The following R3HDM1 variants were observed in gnomAD, a reference collection of about 807,000 sequenced individuals.
R3HDM1 encodes the protein R3H domain-containing protein 1.
A neutral mutation model predicts 141.1 loss-of-function variants in R3HDM1; 46 were observed. The observed-to-expected ratio is 0.33, with a 90% CI of 0.26 to 0.42. The LOEUF (loss-of-function observed/expected upper bound fraction) is 0.42, where lower values mean the gene tolerates loss of function less well. Ranked by LOEUF, R3HDM1 falls within the 10% of genes least tolerant of loss-of-function variation. The pLI, the probability that R3HDM1 is intolerant of heterozygous loss-of-function variation, is 1.00. For missense variants in R3HDM1, 1,184 were observed against 1,368.3 expected, an observed-to-expected ratio of 0.87 and a Z score of 2.12; for synonymous variants, 435 against 472.9, an observed-to-expected ratio of 0.92 and a Z score of 1.04.
intron 5 of R3HDM1, among the ~76,000 whole-genome samples, chr2:135,618,223 G>T (rs1183213002): frequency 2.0e-5 from 3 of 150,542 alleles, no homozygotes; most frequent in African/African-American, 7.4e-5. Context: ...GAGTGCAATG[G>T]TGTGATCTCA....
intron 19 of R3HDM1, among the ~76,000 whole-genome samples, chr2:135,665,018 T>A (rs2067282931): frequency 6.6e-6 from 1 of 152,142 alleles, no homozygotes; most frequent in African/African-American, 2.4e-5. Context: ...TCTTTGTGTC[T>A]CATGTGAGTC....
At chr2:135,646,296 C>T (rs1336235374) in intron 16 of R3HDM1, among the ~76,000 whole-genome samples, 3 of 151,476 alleles carry the variant, frequency 2.0e-5, no homozygotes, top group African/African-American at 7.3e-5. Context: ...CCACCACGCC[C>T]GGCAAATTTT....
intron 20 of R3HDM1, among the ~76,000 whole-genome samples, chr2:135,677,728 A>G (rs1405657727): frequency 1.3e-5 from 2 of 152,184 alleles, no homozygotes; most frequent in South Asian, 2.1e-4. Flanking sequence ...CCAGCAATCA[A>G]TAATAGTCAT....
intron 21 of R3HDM1, among the ~76,000 whole-genome samples, chr2:135,685,735 A>G (rs2071221189): frequency 6.6e-6 from 1 of 152,220 alleles, no homozygotes; most frequent in Admixed American, 6.5e-5. Flanking sequence ...ACTAAAACTC[A>G]TGCCTTTAAA....
chr2:135,718,777 C>T (rs1454391070), intron 24 of R3HDM1, among the ~76,000 whole-genome samples: 1 of 152,164 alleles, frequency 6.6e-6, no homozygotes, highest in African/African-American at 2.4e-5. Flanking sequence ...CCACTACACC[C>T]AGCACCAGGG....
rs996450860 is a variant in R3HDM1, at chr2:135,580,311, T to C, written c.-249-22189T>C. ...ACCAGGTATCTATTGTTACCTAAAC[T>C]CTTGTTATCTGAGCTCAGAAGCCAG... On this transcript the variant is annotated intron_variant, in intron 1 of 26. Transcript: ENST00000683871. 5.3e-5 allele frequency among the ~76,000 whole-genome samples: 8 copies of C among 152,190 alleles called. No homozygotes were observed. In the East Asian group the frequency reaches 1.5e-3, roughly 29 times the overall value.
At chr2:135,661,459 G>A (rs2066698102) in intron 19 of R3HDM1, 66 bp downstream of exon 19, 1 of 1,558,698 alleles carries the variant, frequency 6.4e-7, no homozygotes, top group Non-Finnish European at 8.8e-7. Flanking sequence ...TTTCAGTGTT[G>A]CTCTTAAGAT....
intron 2 of R3HDM1, among the ~76,000 whole-genome samples, chr2:135,602,968 A>G (rs745416121): frequency 1.3e-5 from 2 of 151,982 alleles, no homozygotes; most frequent in Non-Finnish European, 2.9e-5. Context: ...GTATTTATCA[A>G]TTCCTAAAAT....
At chr2:135,598,245 G>A (rs1283130721) in intron 1 of R3HDM1, among the ~76,000 whole-genome samples, 2 of 152,142 alleles carry the variant, frequency 1.3e-5, no homozygotes, top group Non-Finnish European at 2.9e-5. Flanking sequence ...CATCACAGGC[G>A]ATAGGAGGAT....
chr2:135,591,438 C>T (rs1176374219), intron 1 of R3HDM1, among the ~76,000 whole-genome samples: 3 of 152,156 alleles, frequency 2.0e-5, no homozygotes, highest in African/African-American at 7.2e-5. Flanking sequence ...CTGAGGGTTT[C>T]TTATAAATAG....
At chr2:135,621,947 C>G in intron 6 of R3HDM1, 1 of 982,814 alleles carries the variant, frequency 1.0e-6, no homozygotes, top group Non-Finnish European at 1.2e-6. Context: ...GTACAAAGAG[C>G]TGATGTCATA....
At chr2:135,630,410 A>G (rs1378100353) in intron 7 of R3HDM1, among the ~76,000 whole-genome samples, 1 of 151,954 alleles carries the variant, frequency 6.6e-6, no homozygotes, top group Admixed American at 6.6e-5. Context: ...AGGTTTGGAA[A>G]CCAAACTGAA....
At chr2:135,594,805 C>T (rs1710197996) in intron 1 of R3HDM1, among the ~76,000 whole-genome samples, 1 of 152,086 alleles carries the variant, frequency 6.6e-6, no homozygotes, top group Non-Finnish European at 1.5e-5. Context: ...AACCTCTAGC[C>T]TCTCCCCATC....
At chr2:135,682,519 A>G (rs539433458) in intron 21 of R3HDM1, among the ~76,000 whole-genome samples, 60 of 152,354 alleles carry the variant, frequency 3.9e-4, no homozygotes, top group African/African-American at 1.4e-3. Context: ...AGCAGAATCC[A>G]AAAGCTGTCA....
chr2:135,676,005 C>T lies in R3HDM1; in HGVS notation c.2307+519C>T, dbSNP rs560368776. Among the ~76,000 whole-genome samples the T allele has an allele frequency of 4.9e-4, 74 of 152,158 alleles. 1 individual carries two copies. The highest frequency in any genetic ancestry group is 1.6e-3 in the African/African-American group (65 of 41,532). On this transcript the variant is annotated intron_variant, in intron 20 of 26. Coordinates refer to ENST00000683871, the MANE Select transcript of R3HDM1 (RefSeq NM_001378107.1). ...TTTCCTTCCTCTCCATCCCAAAAAG[C>T]GATGATATGTCTCATATTTTAAATT...
intron 5 of R3HDM1, among the ~76,000 whole-genome samples, chr2:135,618,389 T>A: frequency 6.6e-6 from 1 of 151,634 alleles, no homozygotes. Context: ...TGCGAACTCC[T>A]GACCTCAGGT....
rs113498203 is a variant in R3HDM1, at chr2:135,723,971, A to G, written c.3084A>G (p.Pro1028=). 2.5e-5 allele frequency: 40 copies of G among 1,613,624 alleles called. 1 individual carries two copies. In the African/African-American group the frequency reaches 3.7e-4, roughly 15 times the overall value. ...VGKVLEITEL[P]DGITRMEAEK... ...AGGTCTTGGAAATTACTGAACTACCAGATGGAATAACTCGCATGGAAGCTG... is the reference window on the plus strand; with the variant it reads ...AGGTCTTGGAAATTACTGAACTACCGGATGGAATAACTCGCATGGAAGCTG... The change falls in exon 27 of 27, where the codon CCA becomes CCG. Residue 1028 remains proline (P), a synonymous_variant. Coordinates refer to ENST00000683871, the MANE Select transcript of R3HDM1 (RefSeq NM_001378107.1).
intron 1 of R3HDM1, among the ~76,000 whole-genome samples, chr2:135,597,633 A>C (rs1415456486): frequency 6.6e-6 from 1 of 152,162 alleles, no homozygotes; most frequent in Non-Finnish European, 1.5e-5. Flanking sequence ...TAAGAGAAAA[A>C]ACATAACATC....
intron 1 of R3HDM1, among the ~76,000 whole-genome samples, chr2:135,547,486 T>TC (rs1186505195): frequency 8.2e-4 from 124 of 151,876 alleles, no homozygotes; most frequent in African/African-American, 2.9e-3. Flanking sequence ...CTTTTTTTTT[T>TC]TTTTCTGGTT....
Sources: gnomAD v4.1 joint callset for allele counts (sites outside exome capture counted in the v4.1 genomes callset) on GRCh38, gnomAD v4.1.1 for gene constraint, MANE v1.5 for transcripts, NCBI Gene and HGNC (gene_info 2026-07-23, HGNC 2026-07-21) for gene names.